The following HLCS variants were observed in gnomAD, a reference collection of about 807,000 sequenced individuals.
HLCS encodes holocarboxylase synthetase, also known as biotin--protein ligase.
Under a neutral mutation model 75.0 loss-of-function variants are expected in HLCS, and 53 were observed. That is an observed-to-expected ratio of 0.71 (90% CI 0.57 to 0.89). The LOEUF (loss-of-function observed/expected upper bound fraction) is 0.89, where lower values mean the gene tolerates loss of function less well. HLCS is among the 40% of genes least tolerant of loss of function. The pLI is 0.00. For missense variants in HLCS, 966 were observed against 1,074.0 expected (o/e 0.90, Z 1.41); for synonymous variants, 431 against 428.6 (o/e 1.01, Z -0.07).
chr21:36,777,207 C>T (rs1003415067), intron 6 of HLCS, among the ~76,000 whole-genome samples: 3 of 152,194 alleles, frequency 2.0e-5, no homozygotes, highest in Non-Finnish European at 2.9e-5. Context: ...AGAACAGTTT[C>T]CCTGCCCTAA....
intron 6 of HLCS, among the ~76,000 whole-genome samples, chr21:36,886,355 C>A (rs2064459058): frequency 6.7e-6 from 1 of 149,142 alleles, no homozygotes; most frequent in African/African-American, 2.5e-5. Flanking sequence ...ATGGCGTGAA[C>A]CCGGAAGGCA....
At chr21:36,869,102 ATTTATTTATTTATTT>A (rs1569124040) in intron 6 of HLCS, among the ~76,000 whole-genome samples, 18,678 of 99,960 alleles carry the variant, frequency 0.19, 1,550 homozygotes, top group Non-Finnish European at 0.3. Context: ...TGTTTAATTT[ATTTATTTATTTATTT>A]ATTTATTTAT....
intron 2 of HLCS, among the ~76,000 whole-genome samples, chr21:36,956,392 T>C (rs1486607559): frequency 6.6e-6 from 1 of 152,204 alleles, no homozygotes; most frequent in Non-Finnish European, 1.5e-5. Context: ...AACCCAATTC[T>C]GTGTACCTAG....
intron 6 of HLCS, among the ~76,000 whole-genome samples, chr21:36,885,120 T>C (rs146228787): frequency 6.6e-6 from 1 of 152,304 alleles, no homozygotes; most frequent in East Asian, 1.9e-4. Context: ...TGGACTAAAA[T>C]ATTTTTGGCA....
At chr21:36,848,690 G>C (rs1162890339) in intron 6 of HLCS, among the ~76,000 whole-genome samples, 1 of 152,108 alleles carries the variant, frequency 6.6e-6, no homozygotes, top group Non-Finnish European at 1.5e-5. Context: ...TATTATTGTA[G>C]ACCAATCAAT....
At chr21:36,762,699 A>G (rs1401823290) in intron 8 of HLCS, among the ~76,000 whole-genome samples, 1 of 152,248 alleles carries the variant, frequency 6.6e-6, no homozygotes, top group Admixed American at 6.5e-5. Context: ...GAGGCTGGGT[A>G]GCTGACTGCA....
chr21:36,809,895 T>C (rs1419786260), intron 6 of HLCS, among the ~76,000 whole-genome samples: 2 of 152,200 alleles, frequency 1.3e-5, no homozygotes, highest in Non-Finnish European at 2.9e-5. Flanking sequence ...CACACTACCA[T>C]GCCCAGCTAA....
At chr21:36,792,690 C>T (rs2060906412) in intron 6 of HLCS, among the ~76,000 whole-genome samples, 1 of 152,168 alleles carries the variant, frequency 6.6e-6, no homozygotes, top group Non-Finnish European at 1.5e-5. Context: ...TGTCAAGAGG[C>T]ATGCCCAGTA....
chr21:36,867,947 T>A (rs1016062657), intron 6 of HLCS, among the ~76,000 whole-genome samples: 1 of 151,164 alleles, frequency 6.6e-6, no homozygotes, highest in African/African-American at 2.4e-5. Context: ...AGGTCAGGAG[T>A]TCGAGATCAG....
At chr21:36,959,032 C>A (rs1435939654) in intron 2 of HLCS, among the ~76,000 whole-genome samples, 4 of 152,322 alleles carry the variant, frequency 2.6e-5, no homozygotes, top group African/African-American at 9.6e-5. Flanking sequence ...GGCAGGAGCC[C>A]TTCCCGCTTC....
chr21:36,963,692 C>T (rs1430519082), intron 1 of HLCS, among the ~76,000 whole-genome samples: 1 of 151,986 alleles, frequency 6.6e-6, no homozygotes, highest in Non-Finnish European at 1.5e-5. Context: ...GCAGAAGTTG[C>T]GGGGAGCCGA....
chr21:36,750,920 T>G lies in HLCS; in HGVS notation c.*3326A>C, dbSNP rs1013181283. The G allele has an allele frequency of 4.6e-5, 7 of 152,062 alleles. No homozygotes were observed. The highest frequency in any genetic ancestry group is 1.7e-4 in the African/African-American group (7 of 41,400). 9.4% of individuals were successfully genotyped at this position (152,062 alleles called of 1,614,324 possible). ...ACATTAAATTTATTTCTCACCTCCA[T>G]TAAAAGGGTTTTTGCTTTGGAGTTT... is the stretch of plus-strand genomic sequence containing the variant. On this transcript the variant is annotated 3_prime_UTR_variant, in exon 11 of 11. Transcript: ENST00000674895.
chr21:36,905,902 T>G (rs957394919), intron 5 of HLCS, among the ~76,000 whole-genome samples: 1 of 151,712 alleles, frequency 6.6e-6, no homozygotes, highest in African/African-American at 2.4e-5. Context: ...AATACAAAAT[T>G]AGCCGGGTGT....
intron 1 of HLCS, among the ~76,000 whole-genome samples, chr21:36,979,129 G>A (rs1194935611): frequency 3.3e-5 from 5 of 151,944 alleles, no homozygotes; most frequent in Admixed American, 6.6e-5. Context: ...AAAATTAGCC[G>A]GGCATGATGG....
chr21:36,936,453 C>G lies in HLCS; in HGVS notation c.1433G>C (p.Cys478Ser). The G allele has an allele frequency of 6.2e-7, 1 of 1,613,586 alleles. No individual in the cohort carries two copies. The highest frequency in any genetic ancestry group is 8.5e-7 in the Non-Finnish European group (1 of 1,179,484). Residue 478 changes from cysteine to serine, a missense_variant, in exon 4 of 11, where the codon TGC (cysteine) becomes TCC (serine). Physicochemically the swap from Cys to Ser is moderately radical, Grantham distance 112. Coordinates refer to ENST00000674895, the MANE Select transcript of HLCS (RefSeq NM_001352514.2). ...FGTRGGEAVL[C>S]QVHLELPPSS... ...AATCCATGCTGCCCTGAGTACCTGGCAAAGAACAGCTTCTCCCCCGCGAGT... is the reference window on the plus strand; with the variant it reads ...AATCCATGCTGCCCTGAGTACCTGGGAAAGAACAGCTTCTCCCCCGCGAGT...
chr21:36,770,478 T>G (rs1438730144), intron 6 of HLCS, among the ~76,000 whole-genome samples: 1 of 152,118 alleles, frequency 6.6e-6, no homozygotes, highest in Non-Finnish European at 1.5e-5. Flanking sequence ...TCCAAGTATG[T>G]AAAATTCAAA....
intron 4 of HLCS, among the ~76,000 whole-genome samples, chr21:36,933,416 T>C (rs1185855923): frequency 6.6e-6 from 1 of 151,830 alleles, no homozygotes; most frequent in African/African-American, 2.4e-5. Flanking sequence ...CCGGGCCTGA[T>C]AGCGCATGCT....
intron 6 of HLCS, among the ~76,000 whole-genome samples, chr21:36,826,613 A>C (rs79748030): frequency 0.011 from 1,720 of 152,290 alleles, 42 homozygotes; most frequent in African/African-American, 0.039. Flanking sequence ...CCTCATCTCC[A>C]ACTAGCACAG....
chr21:36,792,371 G>A (rs1361637937), intron 6 of HLCS, among the ~76,000 whole-genome samples: 1 of 150,876 alleles, frequency 6.6e-6, no homozygotes, highest in Non-Finnish European at 1.5e-5. Flanking sequence ...GTGGAACCAT[G>A]TGAAATCCCT....
Sources: gnomAD v4.1 joint callset for allele counts (sites outside exome capture counted in the v4.1 genomes callset) on GRCh38, gnomAD v4.1.1 for gene constraint, MANE v1.5 for transcripts, NCBI Gene and HGNC (gene_info 2026-07-23, HGNC 2026-07-21) for gene names.